The following DCLK2 variants were observed in gnomAD, a reference collection of about 807,000 sequenced individuals.
DCLK2 encodes doublecortin like kinase 2.
DCLK2 carries 31 observed loss-of-function variants against 78.4 expected under a neutral mutation model. That is an observed-to-expected ratio of 0.40 (90% confidence interval 0.30 to 0.53). The LOEUF is 0.53. Ranked by LOEUF, DCLK2 falls within the 20% of genes least tolerant of loss-of-function variation. The pLI is 0.61. For missense variants in DCLK2, 872 were observed against 973.7 expected, an observed-to-expected ratio of 0.90 and a Z score of 1.39; for synonymous variants, 407 against 374.9, an observed-to-expected ratio of 1.09 and a Z score of -0.99.
Position 150,230,441 on chromosome 4 carries a change from C to T in DCLK2, c.1300-1896C>T, listed in dbSNP as rs186861759. On this transcript the variant is annotated intron_variant, in intron 8 of 15. Transcript: ENST00000296550. ...CCCCAGGGAGAGGCGAATATATAGA[C>T]TCTTCTAACTTTGGGTAAAATGAGG... Among the ~76,000 whole-genome samples the T allele has an allele frequency of 4.6e-5, 7 of 152,266 alleles. No homozygotes were observed. In the East Asian group the frequency reaches 1.4e-3, roughly 29 times the overall value.
At chr4:150,240,769 GA>G (rs34362156) in intron 12 of DCLK2, among the ~76,000 whole-genome samples, 24,424 of 136,788 alleles carry the variant, frequency 0.18, 2,365 homozygotes, top group Admixed American at 0.28. Flanking sequence ...AAAAGAAAAA[GA>G]AAAAAAAAAA....
At chr4:150,177,415 A>G (rs1379389829) in intron 2 of DCLK2, among the ~76,000 whole-genome samples, 1 of 152,166 alleles carries the variant, frequency 6.6e-6, no homozygotes, top group Non-Finnish European at 1.5e-5. Context: ...CTTTTTCATA[A>G]TTAGAGATGT....
At chr4:150,119,465 T>C (rs1399653453) in intron 2 of DCLK2, among the ~76,000 whole-genome samples, 1 of 152,208 alleles carries the variant, frequency 6.6e-6, no homozygotes, top group African/African-American at 2.4e-5. Flanking sequence ...GGTAAAGTCA[T>C]GGATATATGC....
At position 150,186,896 on chromosome 4, in the gene DCLK2, G is replaced by GTGTGTC. The variant is rs1580674826; in HGVS notation, c.757-6237_757-6236insCTGTGT. Among the ~76,000 whole-genome samples the GTGTGTC allele has an allele frequency of 3.6e-5, 3 of 83,614 alleles. No individual in the cohort carries two copies. In the East Asian group the frequency reaches 9.6e-4, roughly 27 times the overall value. The allele number at this position is 83,614 out of a possible 152,430, so 54.9% of individuals were successfully genotyped here. On this transcript the variant is annotated intron_variant, in intron 2 of 15. Coordinates refer to ENST00000296550, the MANE Select transcript of DCLK2 (RefSeq NM_001040260.4). Reference sequence around the variant, plus strand: ...CAACAGAGTGACTCTATCTCAAAATGTGTGTGTGTGTGTGTGTGTGTGTGT... The same window carrying GTGTGTC: ...CAACAGAGTGACTCTATCTCAAAATGTGTGTCTGTGTGTGTGTGTGTGTGTGTGTGT...
Position 150,203,853 on chromosome 4 carries a change from C to T in DCLK2, c.1020C>T (p.Ser340=), listed in dbSNP as rs1188344416. ...STPKSTKSSS[S]SPTSPGSFRG... Reference sequence around the variant, plus strand: ...CTAAATCTACGAAATCCTCCAGTTCCTCTCCAACTAGTCCAGGAAGTTTCA... The same window carrying T: ...CTAAATCTACGAAATCCTCCAGTTCTTCTCCAACTAGTCCAGGAAGTTTCA... The change falls in exon 5 of 16, where the codon TCC becomes TCT. Residue 340 remains serine (S), a synonymous_variant. Coordinates refer to ENST00000296550, the MANE Select transcript of DCLK2 (RefSeq NM_001040260.4). The T allele has an allele frequency of 1.9e-6, 3 of 1,613,948 alleles. No individual in the cohort carries two copies. The highest frequency in any genetic ancestry group is 1.7e-5 in the Admixed American group (1 of 60,018).
intron 1 of DCLK2, among the ~76,000 whole-genome samples, chr4:150,097,541 C>T (rs925130025): frequency 6.6e-6 from 1 of 152,156 alleles, no homozygotes; most frequent in African/African-American, 2.4e-5. Flanking sequence ...TGAAAGTTAA[C>T]GGCCTTCTAA....
At position 150,253,055 on chromosome 4, in the gene DCLK2, C is replaced by T. The variant is rs549727307; in HGVS notation, c.2074-2965C>T. On this transcript the variant is annotated intron_variant, in intron 15 of 15. Coordinates refer to ENST00000296550, the MANE Select transcript of DCLK2 (RefSeq NM_001040260.4). ...GGGCATGGTTGTGTGGGGGAACTTG[C>T]GATGCTGCTGTATTGTCCTCCTCGT... Among the ~76,000 whole-genome samples the T allele has an allele frequency of 4.1e-4, 62 of 152,028 alleles. 1 individual carries two copies. The highest frequency in any genetic ancestry group is 5.4e-4 in the Non-Finnish European group (37 of 68,002).
At chr4:150,227,923 C>G (rs1045509462) in intron 8 of DCLK2, among the ~76,000 whole-genome samples, 1 of 152,106 alleles carries the variant, frequency 6.6e-6, no homozygotes, top group Non-Finnish European at 1.5e-5. Context: ...CTTAAAACAC[C>G]TAAAAATTAC....
chr4:150,248,421 G>A, intron 14 of DCLK2, 36 bp downstream of exon 14: 1 of 1,561,752 alleles, frequency 6.4e-7, no homozygotes, highest in Non-Finnish European at 8.8e-7. Context: ...GGGCCTCACT[G>A]TGCTCTGTGG....
At chr4:150,196,324 A>G (rs1024930688) in intron 3 of DCLK2, among the ~76,000 whole-genome samples, 10 of 152,040 alleles carry the variant, frequency 6.6e-5, no homozygotes, top group Admixed American at 6.6e-4. Flanking sequence ...AAGAGTAGCA[A>G]TGCATTTAAG....
At chr4:150,150,887 G>GA (rs1451392089) in intron 2 of DCLK2, among the ~76,000 whole-genome samples, 2 of 152,220 alleles carry the variant, frequency 1.3e-5, no homozygotes, top group Admixed American at 1.3e-4. Context: ...GGGCAGCACT[G>GA]AAAAGCCTGG....
At chr4:150,109,438 G>A (rs936164265) in intron 2 of DCLK2, among the ~76,000 whole-genome samples, 5 of 151,598 alleles carry the variant, frequency 3.3e-5, no homozygotes, top group Non-Finnish European at 5.9e-5. Flanking sequence ...TGGTTCAAGC[G>A]ATTCTCCTGC....
chr4:150,167,424 G>T (rs1450278181), intron 2 of DCLK2, among the ~76,000 whole-genome samples: 1 of 152,210 alleles, frequency 6.6e-6, no homozygotes, highest in East Asian at 1.9e-4. Flanking sequence ...TCATACTACG[G>T]ACCTCAATTT....
chr4:150,244,770 T>C (rs1415534895), intron 12 of DCLK2, among the ~76,000 whole-genome samples: 1 of 152,228 alleles, frequency 6.6e-6, no homozygotes, highest in Non-Finnish European at 1.5e-5. Context: ...GTCAAAGCTC[T>C]TGCAACTTAC....
chr4:150,201,450 T>C (rs1739445570), intron 4 of DCLK2, among the ~76,000 whole-genome samples: 1 of 152,214 alleles, frequency 6.6e-6, no homozygotes, highest in Non-Finnish European at 1.5e-5. Context: ...AAGCACATTG[T>C]TTAGAACTTT....
rs1255908620 is a variant in DCLK2, at chr4:150,078,536, G to T, written c.-492G>T. The stretch of plus-strand genomic sequence containing the variant: ...GCGGCGGCGCTGCACCCCGGGCCTG[G>T]GCCCGCGCGACTCCCCCGGGGGCCT... On this transcript the variant is annotated 5_prime_UTR_variant, in exon 1 of 16. Transcript: ENST00000296550. 1.3e-5 allele frequency: 2 copies of T among 150,868 alleles called. No homozygotes were observed. Among genetic ancestry groups the T allele is most frequent in the African/African-American group, 4.8e-5 (2 of 41,252 alleles). 9.3% of individuals were successfully genotyped at this position (150,868 alleles called of 1,614,324 possible).
chr4:150,195,810 C>T (rs187741264), intron 3 of DCLK2, among the ~76,000 whole-genome samples: 89 of 151,690 alleles, frequency 5.9e-4, no homozygotes, highest in African/African-American at 2.0e-3. Context: ...TTCTTGATCT[C>T]GAGTTACTTA....
chr4:150,153,620 G>T (rs551629875), intron 2 of DCLK2, among the ~76,000 whole-genome samples: 1 of 151,824 alleles, frequency 6.6e-6, no homozygotes, highest in South Asian at 2.1e-4. Flanking sequence ...TTTCCATGTT[G>T]CCCAGGCTGG....
At chr4:150,225,850 C>G (rs1741565073) in intron 8 of DCLK2, among the ~76,000 whole-genome samples, 1 of 152,122 alleles carries the variant, frequency 6.6e-6, no homozygotes, top group Non-Finnish European at 1.5e-5. Flanking sequence ...CCTGCCTCTT[C>G]TTGGAAAATT....
Sources: gnomAD v4.1 joint callset for allele counts (sites outside exome capture counted in the v4.1 genomes callset) on GRCh38, gnomAD v4.1.1 for gene constraint, MANE v1.5 for transcripts, NCBI Gene and HGNC (gene_info 2026-07-23, HGNC 2026-07-21) for gene names.